Variants in IRAK3 observed in about 807,000 individuals in gnomAD.
IRAK3 encodes interleukin 1 receptor associated kinase 3.
A neutral mutation model predicts 56.6 loss-of-function variants in IRAK3; 57 were observed. The observed-to-expected ratio is 1.01, with a 90% confidence interval of 0.81 to 1.26. The LOEUF is 1.26. Among genes scored for constraint, IRAK3 ranks in the 50% most tolerant of loss-of-function variants. The probability of loss-of-function intolerance (pLI) is 0.00; values close to 1 mark genes in which losing one functional copy is unlikely to be tolerated. For synonymous variants in IRAK3, 258 were observed against 255.7 expected (o/e 1.01, Z -0.09); for missense variants, 703 against 719.0 (o/e 0.98, Z 0.25).
intron 8 of IRAK3, chr12:66,234,441 G>A: frequency 2.5e-6 from 4 of 1,611,476 alleles, no homozygotes; most frequent in Non-Finnish European, 2.5e-6. Flanking sequence ...ATAGAAGTTT[G>A]AGTGATCATT....
intron 2 of IRAK3, among the ~76,000 whole-genome samples, chr12:66,205,773 C>T (rs2052552854): frequency 6.6e-6 from 1 of 152,012 alleles, no homozygotes; most frequent in Non-Finnish European, 1.5e-5. Context: ...TTTTATATTC[C>T]AGCTTCCAGG....
intron 8 of IRAK3, among the ~76,000 whole-genome samples, chr12:66,242,918 T>C (rs924595910): frequency 6.6e-6 from 1 of 151,996 alleles, no homozygotes; most frequent in Non-Finnish European, 1.5e-5. Context: ...TACTAAAAAT[T>C]AGCCGAGTGT....
At position 66,209,492 on chromosome 12, in the gene IRAK3, A is replaced by T. The variant is rs939026333; in HGVS notation, c.353A>T (p.Glu118Val). Residue 118 changes from glutamate (E) to valine (V), a missense_variant, in exon 3 of 12, where the codon GAA becomes GTA. Physicochemically the swap from Glu to Val is moderately radical, Grantham distance 121. Coordinates refer to ENST00000261233, the MANE Select transcript of IRAK3 (RefSeq NM_007199.3). ...AGTCCTTCAGAGAAGAGTTATCAGG[A>T]AGGTGGATTTCCAAATATATTATTC... is the stretch of plus-strand genomic sequence containing the variant. Reference protein sequence around the residue: ...VLSPSEKSYQEGGFPNILFKE... With the variant: ...VLSPSEKSYQVGGFPNILFKE... 45 of 1,604,558 alleles carry T rather than the reference A, an allele frequency of 2.8e-5. No individual in the cohort carries two copies. The highest frequency in any genetic ancestry group is 8.0e-5 in the African/African-American group (6 of 74,670).
In IRAK3 at chr12:66,250,119, G is replaced by A. The variant is rs1284287719; in HGVS notation, c.*1948G>A. On this transcript the variant is annotated 3_prime_UTR_variant, in exon 12 of 12. Transcript: ENST00000261233. ...TAATTCAGCTATAATAAACATTGCC[G>A]AATAAATTAACAAAGGGAGGATAAT... is the stretch of plus-strand genomic sequence containing the variant. 4 of 152,088 alleles carry A rather than the reference G, an allele frequency of 2.6e-5. No homozygotes were observed. The highest frequency in any genetic ancestry group is 2.1e-4 in the South Asian group (1 of 4,822). 9.4% of individuals were successfully genotyped at this position (152,088 alleles called of 1,614,324 possible). A position where few individuals can be genotyped will look rare whatever the true frequency, so the allele number is the denominator to read the frequency against.
chr12:66,221,144 C>A (rs1230917824), intron 6 of IRAK3, among the ~76,000 whole-genome samples: 1 of 152,110 alleles, frequency 6.6e-6, no homozygotes, highest in African/African-American at 2.4e-5. Context: ...TAAATAGGAT[C>A]ATTTCCTTAA....
Position 66,198,203 on chromosome 12 carries a change from G to A in IRAK3, c.134-5508G>A, listed in dbSNP as rs1381611480. ...TTGGTCCCATTGCTTTCAGAATGAAGTTAAGTTCATATGCTAACACTCAGG... is the reference window on the plus strand; with the variant it reads ...TTGGTCCCATTGCTTTCAGAATGAAATTAAGTTCATATGCTAACACTCAGG... On this transcript the variant is annotated intron_variant, in intron 1 of 11. Transcript: ENST00000261233. 1.3e-5 allele frequency: 9 copies of A among 670,222 alleles called. No individual in the cohort carries two copies. In the Admixed American group the frequency reaches 5.7e-4, roughly 42 times the overall value. The allele number at this position is 670,222 out of a possible 1,614,324, so 41.5% of individuals were successfully genotyped here.
chr12:66,189,957 C>T (rs901821378), intron 1 of IRAK3, among the ~76,000 whole-genome samples: 2 of 152,114 alleles, frequency 1.3e-5, no homozygotes, highest in African/African-American at 4.8e-5. Flanking sequence ...TACCCAATTT[C>T]GTTGAATGAA....
chr12:66,245,598 C>CGCT (rs200638878), intron 11 of IRAK3, among the ~76,000 whole-genome samples: 56,477 of 98,070 alleles, frequency 0.58, 12,149 homozygotes, highest in Middle Eastern at 0.71. Context: ...AGTGCAGTGG[C>CGCT]ACGGCCCACT....
chr12:66,233,822 C>CTGTTTGTT (rs35150438), intron 8 of IRAK3, among the ~76,000 whole-genome samples: 11,612 of 144,196 alleles, frequency 0.081, 560 homozygotes, highest in African/African-American at 0.13. Context: ...TGATAAAAAT[C>CTGTTTGTT]TGTTTGTTTG....
At chr12:66,230,242 T>C (rs942625418) in intron 8 of IRAK3, among the ~76,000 whole-genome samples, 13 of 152,178 alleles carry the variant, frequency 8.5e-5, no homozygotes, top group African/African-American at 3.1e-4. Context: ...ACTTTCTCAC[T>C]GTTGGTTCGT....
chr12:66,232,659 G>C (rs1423394667), intron 8 of IRAK3, among the ~76,000 whole-genome samples: 2 of 152,178 alleles, frequency 1.3e-5, no homozygotes, highest in African/African-American at 2.4e-5. Context: ...AGGCCTCCCT[G>C]AGTGTTGGTC....
chr12:66,220,992 A>G (rs2052727625), intron 6 of IRAK3, among the ~76,000 whole-genome samples: 1 of 152,172 alleles, frequency 6.6e-6, no homozygotes, highest in African/African-American at 2.4e-5. Flanking sequence ...AATTCTTTCA[A>G]TTCAGGTATG....
Position 66,190,288 on chromosome 12 carries a change from C to T in IRAK3, c.133+856C>T, listed in dbSNP as rs112628354. On this transcript the variant is annotated intron_variant, in intron 1 of 11. Coordinates refer to ENST00000261233, the MANE Select transcript of IRAK3 (RefSeq NM_007199.3). ...GAGAGTTTTCTTTGTTACTGATGAA[C>T]AGTATGGTGACAGTCTTTGAATTGT... 9.9e-5 allele frequency among the ~76,000 whole-genome samples: 15 copies of T among 151,828 alleles called. 1 individual carries two copies. The highest frequency in any genetic ancestry group is 3.6e-4 in the African/African-American group (15 of 41,368).
intron 5 of IRAK3, among the ~76,000 whole-genome samples, chr12:66,212,870 A>G (rs1286414751): frequency 6.6e-6 from 1 of 152,068 alleles, no homozygotes; most frequent in Non-Finnish European, 1.5e-5. Flanking sequence ...TCACACACCC[A>G]GGGCCTGTTG....
At chr12:66,212,544 T>C (rs541687908) in intron 5 of IRAK3, among the ~76,000 whole-genome samples, 1 of 152,282 alleles carries the variant, frequency 6.6e-6, no homozygotes, top group Admixed American at 6.5e-5. Flanking sequence ...CATGTAGAGA[T>C]GAATAAGGCA....
At chr12:66,197,741 T>TA in intron 1 of IRAK3, 1 of 985,438 alleles carries the variant, frequency 1.0e-6, no homozygotes, top group Non-Finnish European at 1.2e-6. Flanking sequence ...CGGTCAATGT[T>TA]AGAGACCCTA....
intron 5 of IRAK3, among the ~76,000 whole-genome samples, chr12:66,216,969 A>AC (rs1185017773): frequency 6.6e-6 from 1 of 152,200 alleles, no homozygotes; most frequent in Non-Finnish European, 1.5e-5. Context: ...CCTTCAATTC[A>AC]AGAACACTGG....
intron 8 of IRAK3, chr12:66,234,133 CTGT>C (rs1311734426): frequency 1.2e-6 from 2 of 1,614,100 alleles, no homozygotes; most frequent in Non-Finnish European, 1.7e-6. Context: ...CAGCCACCTG[CTGT>C]TGACCACTTG....
intron 1 of IRAK3, chr12:66,198,150 C>T (rs1242264894): frequency 2.0e-5 from 19 of 958,692 alleles, no homozygotes; most frequent in Non-Finnish European, 2.4e-5. Context: ...AAGCTTCCAT[C>T]TTTGCATCAC....
Sources: allele counts gnomAD v4.1 joint callset (sites outside exome capture counted in the v4.1 genomes callset), GRCh38; gene constraint gnomAD v4.1.1; transcripts MANE v1.5; gene names NCBI Gene and HGNC (gene_info 2026-07-23, HGNC 2026-07-21).